Variants in RUFY4 observed in about 807,000 individuals in gnomAD.
The protein encoded by RUFY4 is RUN and FYVE domain containing 4.
In RUFY4, 73 loss-of-function variants were observed where a neutral mutation model predicts 69.0. The observed-to-expected ratio is 1.06, with a 90% CI of 0.88 to 1.29. The LOEUF is 1.29. RUFY4 is among the 50% of genes most tolerant of loss of function. The pLI is 0.00. For synonymous variants in RUFY4, 287 were observed against 271.8 expected (o/e 1.06, Z -0.55); for missense variants, 770 against 705.6 (o/e 1.09, Z -1.03).
At chr2:218,075,579 C>A in exon 7 of RUFY4, 1 of 1,525,752 alleles carries the variant, frequency 6.6e-7, no homozygotes, top group Non-Finnish European at 8.8e-7. Context: ...AGGGAGCAGG[C>A]AGGGGTCGGG....
chr2:218,061,841 G>A (rs1325287718), intron 3 of RUFY4, among the ~76,000 whole-genome samples: 1 of 152,142 alleles, frequency 6.6e-6, no homozygotes, highest in Non-Finnish European at 1.5e-5. Context: ...TCTTAATCAG[G>A]GGACTAAGCA....
At chr2:218,083,544 T>G (rs545681988) in intron 9 of RUFY4, among the ~76,000 whole-genome samples, 69 of 152,002 alleles carry the variant, frequency 4.5e-4, no homozygotes, top group Non-Finnish European at 8.2e-4. Flanking sequence ...GGTCAGGAGT[T>G]CAAGACTAGC....
At chr2:218,057,527 T>C (rs182588665) in intron 2 of RUFY4, among the ~76,000 whole-genome samples, 5 of 152,374 alleles carry the variant, frequency 3.3e-5, no homozygotes, top group Admixed American at 3.3e-4. Flanking sequence ...AAGGTTCTTC[T>C]TTAAAAACAG....
intron 2 of RUFY4, among the ~76,000 whole-genome samples, chr2:218,058,403 T>C (rs556273998): frequency 1.3e-5 from 2 of 152,352 alleles, no homozygotes; most frequent in East Asian, 1.9e-4. Context: ...AAGAAGGCAT[T>C]ATCAGTGCCT....
At position 218,072,386 on chromosome 2, in the gene RUFY4, G is replaced by A. The variant is rs528329597; in HGVS notation, c.166G>A (p.Glu56Lys). 53 of 1,537,336 alleles carry A rather than the reference G, an allele frequency of 3.4e-5. 1 individual carries two copies. In the South Asian group the frequency reaches 6.2e-4, roughly 18 times the overall value. Reference sequence around the variant, plus strand: ...ATTTTGGTTCTAGTTTGACCAGAAAGAGCAGAAGAGCTTCCTGGGGCCTCG... The same window carrying A: ...ATTTTGGTTCTAGTTTGACCAGAAAAAGCAGAAGAGCTTCCTGGGGCCTCG... Residue 56 changes from glutamate (E) to lysine (K), a missense_variant, in exon 3 of 11, where the codon GAG becomes AAG. Glu to Lys is a moderately conservative substitution (Grantham distance 56). Coordinates refer to ENST00000344321, the Ensembl canonical transcript of RUFY4.
At chr2:218,076,277 A>G (rs368538901) in intron 7 of RUFY4, 150 bp from the exon 10 acceptor site, 1 of 1,329,726 alleles carries the variant, frequency 7.5e-7, no homozygotes. Flanking sequence ...AGGGCCTAGG[A>G]CAGAGCCAGG....
At chr2:218,037,304 T>G (rs527806562) in intron 2 of RUFY4, among the ~76,000 whole-genome samples, 56 of 144,092 alleles carry the variant, frequency 3.9e-4, no homozygotes, top group Non-Finnish European at 6.9e-4. Flanking sequence ...TGGGCAATAG[T>G]GCAAAACTCA....
chr2:218,060,671 A>T, intron 3 of RUFY4: 1 of 1,337,794 alleles, frequency 7.5e-7, no homozygotes, highest in Non-Finnish European at 1.1e-6. Flanking sequence ...AAGATGACCC[A>T]CATGGTCCAG....
intron 9 of RUFY4, among the ~76,000 whole-genome samples, chr2:218,084,893 C>CA (rs1171432573): frequency 6.6e-6 from 1 of 151,996 alleles, no homozygotes; most frequent in Non-Finnish European, 1.5e-5. Flanking sequence ...ACTAAAAATA[C>CA]AAAAATTAGC....
At chr2:218,081,040 G>T (rs868066108) in intron 8 of RUFY4, among the ~76,000 whole-genome samples, 1 of 152,134 alleles carries the variant, frequency 6.6e-6, no homozygotes, top group Non-Finnish European at 1.5e-5. Context: ...CCAAGCTCAG[G>T]CCTGGCATAT....
chr2:218,067,503 C>A (rs1261744397), upstream of RUFY4, among the ~76,000 whole-genome samples: 1 of 152,208 alleles, frequency 6.6e-6, no homozygotes, highest in Non-Finnish European at 1.5e-5. Context: ...TGGGTGCAGG[C>A]TGCTCTTCCC....
At chr2:218,073,412 G>C in intron 5 of RUFY4, 26 bp downstream of exon 7, 1 of 1,577,502 alleles carries the variant, frequency 6.3e-7, no homozygotes, top group East Asian at 2.3e-5. Flanking sequence ...CAGGAGAGAA[G>C]TCTCTTTTGA....
At chr2:218,048,312 T>A (rs1395032674) in intron 2 of RUFY4, among the ~76,000 whole-genome samples, 2 of 152,190 alleles carry the variant, frequency 1.3e-5, no homozygotes, top group Non-Finnish European at 2.9e-5. Context: ...TTTGTTTAAG[T>A]TTTTTATAGA....
chr2:218,058,864 C>A (rs1689121490), intron 3 of RUFY4, among the ~76,000 whole-genome samples: 1 of 152,156 alleles, frequency 6.6e-6, no homozygotes, highest in Non-Finnish European at 1.5e-5. Flanking sequence ...AAGTCCCACC[C>A]CTGACACTCC....
chr2:218,052,896 A>G (rs1004218128), intron 2 of RUFY4, among the ~76,000 whole-genome samples: 1 of 151,038 alleles, frequency 6.6e-6, no homozygotes, highest in Non-Finnish European at 1.5e-5. Flanking sequence ...TATTTTTATT[A>G]TCCTTCTGAT....
intron 2 of RUFY4, 44 bp from the exon 5 acceptor site, chr2:218,072,330 G>A (rs1471424409): frequency 2.0e-5 from 31 of 1,532,734 alleles, no homozygotes; most frequent in Non-Finnish European, 2.6e-5. Context: ...GCGTGTTCTG[G>A]GAGGAAGCAT....
At chr2:218,051,512 T>C (rs1344242607) in intron 2 of RUFY4, among the ~76,000 whole-genome samples, 2 of 145,032 alleles carry the variant, frequency 1.4e-5, no homozygotes, top group African/African-American at 2.6e-5. Context: ...TCCATAATAA[T>C]GGGAAAAAGA....
At chr2:218,037,050 G>A (rs960121897) in intron 2 of RUFY4, among the ~76,000 whole-genome samples, 3 of 152,214 alleles carry the variant, frequency 2.0e-5, no homozygotes, top group African/African-American at 7.2e-5. Context: ...TGGGTGCAGT[G>A]GCTCAAGCCT....
chr2:218,073,964 T>A, intron 6 of RUFY4, 79 bp downstream of exon 8: 1 of 1,406,118 alleles, frequency 7.1e-7, no homozygotes, highest in Non-Finnish European at 1.0e-6. Flanking sequence ...AAACTGAGCT[T>A]CCCCCTCCGA....
Sources: gnomAD v4.1 joint callset for allele counts (sites outside exome capture counted in the v4.1 genomes callset) on GRCh38, gnomAD v4.1.1 for gene constraint, MANE v1.5 for transcripts, NCBI Gene and HGNC (gene_info 2026-07-23, HGNC 2026-07-21) for gene names.